The following SCML2 variants were observed in gnomAD, a reference collection of about 807,000 sequenced individuals.
SCML2 encodes the protein Scm polycomb group protein like 2.
Under a neutral mutation model 48.4 loss-of-function variants are expected in SCML2, and 6 were observed. That is an observed-to-expected ratio of 0.12 (90% CI 0.07 to 0.24). The LOEUF (loss-of-function observed/expected upper bound fraction) is 0.24. Among genes scored for constraint, SCML2 ranks in the 10% least tolerant of loss-of-function variants. The probability of loss-of-function intolerance (pLI) is 1.00; values close to 1 mark genes in which losing one functional copy is unlikely to be tolerated. For missense variants in SCML2, 377 were observed against 528.2 expected (o/e 0.71, Z 2.81); for synonymous variants, 181 against 189.5 (o/e 0.95, Z 0.37).
intron 6 of SCML2, among the ~76,000 whole-genome samples, chrX:18,318,239 T>C (rs762300890): frequency 1.8e-5 from 2 of 112,921 alleles, no homozygotes; most frequent in Non-Finnish European, 3.7e-5. Flanking sequence ...AAGTCCACTT[T>C]CTGCATTCAT....
intron 6 of SCML2, among the ~76,000 whole-genome samples, chrX:18,315,101 C>CAAAAAAAAAAA (rs761378739): frequency 4.3e-5 from 1 of 23,446 alleles, no homozygotes; most frequent in African/African-American, 1.4e-4. Flanking sequence ...TCTGTCTCAC[C>CAAAAAAAAAAA]AAAAAAAAAA....
chrX:18,274,265 G>A (rs111476670), intron 7 of SCML2, among the ~76,000 whole-genome samples: 5 of 111,608 alleles, frequency 4.5e-5, no homozygotes, highest in African/African-American at 6.5e-5. Context: ...AAAAGCACTC[G>A]CCCCAGCTCC....
chrX:18,298,860 CT>C (rs1668361642), intron 7 of SCML2, among the ~76,000 whole-genome samples: 3 of 110,111 alleles, frequency 2.7e-5, no homozygotes, highest in Non-Finnish European at 3.8e-5. Flanking sequence ...CCCTAGACCC[CT>C]CTCTCTCACC....
chrX:18,292,796 A>T (rs929735710), intron 7 of SCML2, among the ~76,000 whole-genome samples: 1 of 111,513 alleles, frequency 9.0e-6, no homozygotes, highest in South Asian at 3.7e-4. Flanking sequence ...ATAGAAATAC[A>T]TATTTATTTT....
At chrX:18,346,840 G>T (rs1009896102) in intron 1 of SCML2, among the ~76,000 whole-genome samples, 1 of 111,916 alleles carries the variant, frequency 8.9e-6, no homozygotes, top group Admixed American at 9.5e-5. Context: ...ATACACTGTA[G>T]TTATGTATTT....
chrX:18,333,276 CA>C (rs1031640025), intron 2 of SCML2, among the ~76,000 whole-genome samples: 12 of 106,010 alleles, frequency 1.1e-4, no homozygotes, highest in Non-Finnish European at 1.9e-4. Context: ...AACCCTGTCT[CA>C]AAAAAAAATA....
chrX:18,336,506 G>T (rs1191258383), intron 1 of SCML2, among the ~76,000 whole-genome samples: 1 of 107,880 alleles, frequency 9.3e-6, no homozygotes, highest in African/African-American at 3.4e-5. Context: ...GGAGGCCGAG[G>T]CGGGGGGATC....
chrX:18,261,114 T>G (rs1010821), intron 8 of SCML2, among the ~76,000 whole-genome samples: 23,360 of 108,060 alleles, frequency 0.22, 2,430 homozygotes, highest in Middle Eastern at 0.31. Flanking sequence ...GTAAACCACA[T>G]TTTTTGTTTA....
At chrX:18,303,021 C>T (rs1263178592) in intron 7 of SCML2, among the ~76,000 whole-genome samples, 1 of 111,795 alleles carries the variant, frequency 8.9e-6, no homozygotes, top group East Asian at 2.8e-4. Context: ...GGGACTCTGG[C>T]TCCTGGCTGC....
At chrX:18,284,870 G>A (rs748417234) in intron 7 of SCML2, among the ~76,000 whole-genome samples, 51 of 111,551 alleles carry the variant, frequency 4.6e-4, no homozygotes, top group African/African-American at 1.4e-3. Context: ...GAAAAACCCC[G>A]TCTCGCACTA....
chrX:18,307,261 T>G (rs776924679), intron 6 of SCML2, among the ~76,000 whole-genome samples: 122 of 109,362 alleles, frequency 1.1e-3, no homozygotes, highest in African/African-American at 4.0e-3. Flanking sequence ...CACTCCAGCC[T>G]GGGCAACAGA....
intron 1 of SCML2, among the ~76,000 whole-genome samples, chrX:18,354,022 T>C (rs1023147303): frequency 1.8e-5 from 2 of 111,797 alleles, no homozygotes; most frequent in African/African-American, 3.2e-5. Context: ...CCGGTCCCGC[T>C]GCACCGCTAG....
Position 18,264,431 on chromosome X carries a change from T to TTGTGTGTGTG in SCML2, c.948+1144_948+1153dup, listed in dbSNP as rs149069692. ...AAGATGGTCTTTTTAATCAGTACGA[T>TTGTGTGTGTG]TGTGTGTGTGTGTGTGTGTGTGTGT... On this transcript the variant is annotated intron_variant, in intron 8 of 14. Transcript: ENST00000251900. 9.8e-4 allele frequency among the ~76,000 whole-genome samples: 82 copies of TTGTGTGTGTG among 83,922 alleles called. 2 individuals are homozygous for TTGTGTGTGTG. Among genetic ancestry groups the TTGTGTGTGTG allele is most frequent in the Non-Finnish European group, 1.3e-3 (57 of 42,734 alleles). The allele number at this position is 83,922 out of a possible 115,157, so 72.9% of individuals were successfully genotyped here. A position where few individuals can be genotyped will look rare whatever the true frequency, so the allele number is the denominator to read the frequency against.
intron 1 of SCML2, among the ~76,000 whole-genome samples, chrX:18,342,506 G>A (rs1399409096): frequency 1.8e-5 from 2 of 111,982 alleles, no homozygotes; most frequent in Admixed American, 9.5e-5. Context: ...GAGGTCAGGA[G>A]TTCAAGGCCA....
intron 7 of SCML2, among the ~76,000 whole-genome samples, chrX:18,298,517 C>T (rs1211686042): frequency 2.7e-5 from 3 of 112,193 alleles, no homozygotes; most frequent in Non-Finnish European, 5.6e-5. Flanking sequence ...ACACGGACAC[C>T]GTTTTCAATA....
chrX:18,350,246 T>C (rs750519495), intron 1 of SCML2, among the ~76,000 whole-genome samples: 1 of 109,325 alleles, frequency 9.1e-6, no homozygotes, highest in East Asian at 2.9e-4. Context: ...ACCACCGCAC[T>C]CCAGCCTGGG....
intron 1 of SCML2, among the ~76,000 whole-genome samples, chrX:18,344,707 C>T (rs1452067116): frequency 9.0e-6 from 1 of 111,635 alleles, no homozygotes; most frequent in Non-Finnish European, 1.9e-5. Context: ...GATTGTGAGG[C>T]CTCCCTAGCT....
At chrX:18,302,291 T>C (rs988512507) in intron 7 of SCML2, among the ~76,000 whole-genome samples, 2 of 111,481 alleles carry the variant, frequency 1.8e-5, no homozygotes, top group Admixed American at 9.6e-5. Flanking sequence ...CCTTTGATAA[T>C]GTTGAGTACT....
chrX:18,243,454 A>G (rs575374725), intron 13 of SCML2, among the ~76,000 whole-genome samples: 2 of 112,061 alleles, frequency 1.8e-5, no homozygotes, highest in Admixed American at 1.9e-4. Context: ...TAAACAAATT[A>G]GTCCTTTTAC....
Sources: allele counts gnomAD v4.1 joint callset (sites outside exome capture counted in the v4.1 genomes callset), GRCh38; gene constraint gnomAD v4.1.1; transcripts MANE v1.5; gene names NCBI Gene and HGNC (gene_info 2026-07-23, HGNC 2026-07-21).